HSPA12A: variants seen among roughly 807,000 people sequenced by gnomAD.
HSPA12A encodes heat shock 70 kDa protein 12A.
Under a neutral mutation model 69.2 loss-of-function variants are expected in HSPA12A, and 28 were observed. The ratio of observed to expected loss-of-function variants is 0.40; its 90% CI spans 0.30 to 0.55. The LOEUF is 0.55. Ranked by LOEUF, HSPA12A falls within the 20% of genes least tolerant of loss-of-function variation. The pLI, the probability that HSPA12A is intolerant of heterozygous loss-of-function variation, is 0.38. For synonymous variants in HSPA12A, 345 were observed against 370.5 expected (o/e 0.93, Z 0.79); for missense variants, 686 against 900.7 (o/e 0.76, Z 3.05).
intron 2 of HSPA12A, among the ~76,000 whole-genome samples, chr10:116,761,115 A>G (rs972803842): frequency 1.3e-5 from 2 of 152,084 alleles, no homozygotes; most frequent in Non-Finnish European, 1.5e-5. Flanking sequence ...TTTGGGAGGC[A>G]GAGGTGGGTG....
chr10:116,787,496 G>T (rs1844604451), intron 2 of HSPA12A, among the ~76,000 whole-genome samples: 1 of 151,160 alleles, frequency 6.6e-6, no homozygotes, highest in African/African-American at 2.4e-5. Flanking sequence ...GATGTGGGAG[G>T]CTTTCAGCGT....
rs782042009 is a variant in HSPA12A, at chr10:116,674,869, T to A, written c.1940A>T (p.Gln647Leu). ...PARREIQTLM[Q>L]FGDTEIKATA... ...GGCTTTGATCTCGGTGTCCCCGAAC[T>A]GCATAAGGGTCTGGATCTCCCTCCG... The change falls in exon 12 of 12, where the codon CAG (glutamine) becomes CTG (leucine). Residue 647 changes from glutamine to leucine, a missense_variant. Gln to Leu is a moderately radical substitution (Grantham distance 113). Coordinates refer to ENST00000369209, the MANE Select transcript of HSPA12A (RefSeq NM_025015.3). 3 of 1,613,972 alleles carry A rather than the reference T, an allele frequency of 1.9e-6. No homozygotes were observed.
At chr10:116,762,865 C>CA (rs1844001451) in intron 2 of HSPA12A, among the ~76,000 whole-genome samples, 1 of 152,174 alleles carries the variant, frequency 6.6e-6, no homozygotes, top group Admixed American at 6.5e-5. Context: ...CATGAGCCAC[C>CA]ATGCCTGGCC....
exon 1 of HSPA12A, chr10:116,849,604 C>G (rs763748453): frequency 9.7e-6 from 15 of 1,549,650 alleles, no homozygotes; most frequent in Non-Finnish European, 1.3e-5. Flanking sequence ...TGTGGGACCA[C>G]TAGGGAGCTG....
At position 116,811,579 on chromosome 10, in the gene HSPA12A, TAAA is replaced by T. The variant is rs60912684; in HGVS notation, c.91+23353_91+23355del. On this transcript the variant is annotated intron_variant, in intron 2 of 12. Coordinates refer to the HSPA12A transcript ENST00000635765. ...AACTTGGATTCCTCTTTGCTTTTGTTAAAAAAAAAAAAAAAAAAAAAAAAAAGA... is the reference window on the plus strand; with the variant it reads ...AACTTGGATTCCTCTTTGCTTTTGTTAAAAAAAAAAAAAAAAAAAAAAAGA... Among the ~76,000 whole-genome samples, 396 of 105,924 alleles carry T rather than the reference TAAA, an allele frequency of 3.7e-3. 3 individuals carry two copies. The highest frequency in any genetic ancestry group is 0.014 in the African/African-American group (367 of 26,746). The allele number at this position is 105,924 out of a possible 152,430, so 69.5% of individuals were successfully genotyped here.
intron 2 of HSPA12A, among the ~76,000 whole-genome samples, chr10:116,763,834 A>G (rs1554889518): frequency 6.6e-6 from 1 of 152,248 alleles, no homozygotes; most frequent in African/African-American, 2.4e-5. Flanking sequence ...TTTTTGTCCA[A>G]AATAATCATA....
intron 5 of HSPA12A, among the ~76,000 whole-genome samples, chr10:116,693,147 G>T (rs1849784212): frequency 6.6e-6 from 1 of 152,108 alleles, no homozygotes; most frequent in Non-Finnish European, 1.5e-5. Flanking sequence ...CTTACCAGCC[G>T]GTGGCAGCTG....
intron 10 of HSPA12A, among the ~76,000 whole-genome samples, chr10:116,678,194 T>C (rs2133358873): frequency 6.6e-6 from 1 of 151,820 alleles, no homozygotes; most frequent in Non-Finnish European, 1.5e-5. Context: ...CAGGCAATAA[T>C]CATCAATGGC....
chr10:116,799,052 T>C (rs962897322), intron 2 of HSPA12A, among the ~76,000 whole-genome samples: 3 of 152,094 alleles, frequency 2.0e-5, no homozygotes, highest in Non-Finnish European at 4.4e-5. Context: ...CCTGCCACCC[T>C]TGGGGGCCTG....
At chr10:116,691,668 A>G (rs962685835) in intron 6 of HSPA12A, among the ~76,000 whole-genome samples, 2 of 152,204 alleles carry the variant, frequency 1.3e-5, no homozygotes, top group Non-Finnish European at 2.9e-5. Context: ...ATGGCTCGCC[A>G]TTCCTGCCTG....
chr10:116,677,636 G>A (rs1849278567), intron 10 of HSPA12A, among the ~76,000 whole-genome samples: 1 of 152,216 alleles, frequency 6.6e-6, no homozygotes, highest in Non-Finnish European at 1.5e-5. Context: ...GACCTGACAT[G>A]AAATCTGCTT....
intron 1 of HSPA12A, chr10:116,849,481 T>A: frequency 7.2e-7 from 1 of 1,392,574 alleles, no homozygotes; most frequent in Non-Finnish European, 9.4e-7. Flanking sequence ...GATCTGGGGG[T>A]CGGGATCACG....
chr10:116,696,003 A>AAAAAAAAAAAAAAAAAAC (rs1849889585), intron 5 of HSPA12A, among the ~76,000 whole-genome samples: 1 of 92,430 alleles, frequency 1.1e-5, no homozygotes, highest in Non-Finnish European at 2.3e-5. Flanking sequence ...ACTCCATCTC[A>AAAAAAAAAAAAAAAAAAC]AAAAAAAAAA....
chr10:116,763,065 T>C (rs1469808280), intron 2 of HSPA12A, among the ~76,000 whole-genome samples: 2 of 152,204 alleles, frequency 1.3e-5, no homozygotes, highest in Non-Finnish European at 2.9e-5. Flanking sequence ...TTAAGGACAG[T>C]AGCTACATCA....
chr10:116,839,940 A>C (rs1845778933), intron 1 of HSPA12A, among the ~76,000 whole-genome samples: 1 of 151,766 alleles, frequency 6.6e-6, no homozygotes. Context: ...TTGGGGCTTG[A>C]AAGAATGTGA....
At chr10:116,703,707 G>C (rs935877972) in intron 3 of HSPA12A, among the ~76,000 whole-genome samples, 14 of 152,142 alleles carry the variant, frequency 9.2e-5, no homozygotes, top group Admixed American at 9.2e-4. Context: ...CCAAAGATTC[G>C]AGGAGTCATA....
At chr10:116,804,514 T>A (rs555299851) in intron 2 of HSPA12A, among the ~76,000 whole-genome samples, 1 of 151,992 alleles carries the variant, frequency 6.6e-6, no homozygotes, top group Admixed American at 6.6e-5. Flanking sequence ...TCCAGGTCTC[T>A]ACCTCCCCTT....
At chr10:116,703,710 G>A (rs1850147070) in intron 3 of HSPA12A, among the ~76,000 whole-genome samples, 3 of 152,238 alleles carry the variant, frequency 2.0e-5, no homozygotes, top group African/African-American at 4.8e-5. Context: ...AAGATTCGAG[G>A]AGTCATACCC....
intron 1 of HSPA12A, among the ~76,000 whole-genome samples, chr10:116,733,615 T>C (rs1179607959): frequency 6.6e-6 from 1 of 152,162 alleles, no homozygotes; most frequent in Non-Finnish European, 1.5e-5. Flanking sequence ...GAGTCTCTGT[T>C]TTCTGACATT....
Sources: gnomAD v4.1 joint callset for allele counts (sites outside exome capture counted in the v4.1 genomes callset) on GRCh38, gnomAD v4.1.1 for gene constraint, MANE v1.5 for transcripts, NCBI Gene and HGNC (gene_info 2026-07-23, HGNC 2026-07-21) for gene names.